ILRUN: variants seen among roughly 807,000 people sequenced by gnomAD.
ILRUN encodes the protein protein ILRUN.
A neutral mutation model predicts 33.8 loss-of-function variants in ILRUN; 3 were observed. That is an observed-to-expected ratio of 0.09 (90% CI 0.04 to 0.23). ILRUN has a LOEUF of 0.23. ILRUN is among the 10% of genes least tolerant of loss of function. The pLI, the probability that ILRUN is intolerant of heterozygous loss-of-function variation, is 1.00. For missense variants in ILRUN, 210 were observed against 375.1 expected (o/e 0.56, Z 3.64); for synonymous variants, 124 against 138.9 (o/e 0.89, Z 0.75).
chr6:34,594,847 C>T (rs1056957919), intron 4 of ILRUN, among the ~76,000 whole-genome samples: 2 of 152,168 alleles, frequency 1.3e-5, no homozygotes, highest in Non-Finnish European at 2.9e-5. Flanking sequence ...CTACTGCAAG[C>T]AAGCCATTAT....
At chr6:34,668,841 ATTTTTT>A (rs34742011) in intron 1 of ILRUN, among the ~76,000 whole-genome samples, 2 of 132,584 alleles carry the variant, frequency 1.5e-5, no homozygotes, top group Non-Finnish European at 3.2e-5. Flanking sequence ...TGCCTGGCTA[ATTTTTT>A]TTTTTTTTTT....
intron 4 of ILRUN, among the ~76,000 whole-genome samples, chr6:34,600,085 C>T (rs190974933): frequency 2.0e-5 from 3 of 152,348 alleles, no homozygotes; most frequent in Admixed American, 2.0e-4. Context: ...CCTGTTCCTA[C>T]CCTTGCCCTG....
chr6:34,629,727 G>T (rs879879047), intron 3 of ILRUN, among the ~76,000 whole-genome samples: 4 of 152,096 alleles, frequency 2.6e-5, no homozygotes, highest in Admixed American at 6.6e-5. Flanking sequence ...GAAATTTTCA[G>T]CCGTATTGTT....
chr6:34,622,354 A>G lies in ILRUN; in HGVS notation c.512-15450T>C, dbSNP rs543401359. Among the ~76,000 whole-genome samples the G allele has an allele frequency of 9.2e-5, 14 of 152,320 alleles. No homozygotes were observed. The South Asian group carries it at 1.4e-3, about 16-fold the overall frequency. On this transcript the variant is annotated intron_variant, in intron 3 of 4. Transcript: ENST00000374023. ...GGGTTAATATCTCAAATATATAAAG[A>G]ACTCCTACAACTCAACAGAAAACAC...
chr6:34,609,287 G>A (rs376421475), intron 3 of ILRUN, among the ~76,000 whole-genome samples: 145 of 152,264 alleles, frequency 9.5e-4, no homozygotes, highest in African/African-American at 3.3e-3. Flanking sequence ...TCAGGAGTTC[G>A]AGACTAGCCT....
At chr6:34,595,269 T>TA (rs879516560) in intron 4 of ILRUN, among the ~76,000 whole-genome samples, 98 of 152,360 alleles carry the variant, frequency 6.4e-4, no homozygotes, top group African/African-American at 2.2e-3. Flanking sequence ...TGCAATATCT[T>TA]AGAGTCCTTT....
chr6:34,638,917 C>G (rs966013249), intron 3 of ILRUN, among the ~76,000 whole-genome samples: 3 of 152,014 alleles, frequency 2.0e-5, no homozygotes, highest in African/African-American at 7.3e-5. Context: ...GGAGAAATGT[C>G]GGGCAGAATA....
intron 2 of ILRUN, among the ~76,000 whole-genome samples, chr6:34,651,471 C>A (rs1001485192): frequency 1.3e-5 from 2 of 151,964 alleles, no homozygotes; most frequent in African/African-American, 4.8e-5. Flanking sequence ...CAAAGCTCCC[C>A]ATTAACCCAA....
At chr6:34,652,655 T>A (rs1234413078) in intron 2 of ILRUN, among the ~76,000 whole-genome samples, 1 of 152,130 alleles carries the variant, frequency 6.6e-6, no homozygotes, top group Non-Finnish European at 1.5e-5. Context: ...TCCTCAGAGT[T>A]TTAAATCATC....
intron 3 of ILRUN, among the ~76,000 whole-genome samples, chr6:34,631,495 T>C (rs1002629201): frequency 1.3e-5 from 2 of 152,084 alleles, no homozygotes; most frequent in Non-Finnish European, 2.9e-5. Flanking sequence ...GCCCGGCTAA[T>C]TTTTGTATTT....
intron 3 of ILRUN, among the ~76,000 whole-genome samples, chr6:34,614,355 G>C (rs1761823222): frequency 6.6e-6 from 1 of 150,950 alleles, no homozygotes; most frequent in Non-Finnish European, 1.5e-5. Context: ...CCAGGAAGCA[G>C]AGCTTGTAGT....
At chr6:34,660,991 A>G (rs114494225) in intron 1 of ILRUN, among the ~76,000 whole-genome samples, 52 of 152,368 alleles carry the variant, frequency 3.4e-4, no homozygotes, top group African/African-American at 1.2e-3. Context: ...GACAAAGTTA[A>G]TATCAACATT....
chr6:34,657,974 T>A (rs953558129), intron 1 of ILRUN, among the ~76,000 whole-genome samples: 3 of 152,154 alleles, frequency 2.0e-5, no homozygotes, highest in African/African-American at 7.2e-5. Context: ...CAAAAAAGTT[T>A]TAAATCTAAT....
intron 1 of ILRUN, among the ~76,000 whole-genome samples, chr6:34,684,149 GA>G (rs756934722): frequency 6.6e-6 from 1 of 151,668 alleles, no homozygotes; most frequent in African/African-American, 2.4e-5. Context: ...AAAAAAAATA[GA>G]AAAATCTAAC....
At chr6:34,666,352 G>A (rs903131939) in intron 1 of ILRUN, among the ~76,000 whole-genome samples, 1 of 152,194 alleles carries the variant, frequency 6.6e-6, no homozygotes, top group Non-Finnish European at 1.5e-5. Context: ...CTGAGGTCGG[G>A]AGTTCGAGAC....
At chr6:34,654,550 T>C in intron 2 of ILRUN, 75 bp downstream of exon 2, 1 of 1,462,310 alleles carries the variant, frequency 6.8e-7, no homozygotes. Flanking sequence ...ATACATAAGC[T>C]AAAACATTTC....
chr6:34,669,126 T>C (rs1193681856), intron 1 of ILRUN, among the ~76,000 whole-genome samples: 1 of 151,792 alleles, frequency 6.6e-6, no homozygotes, highest in Non-Finnish European at 1.5e-5. Context: ...ATTACAAGCA[T>C]GAGTCTTTTG....
chr6:34,608,929 G>C (rs1761688146), intron 3 of ILRUN, among the ~76,000 whole-genome samples: 1 of 152,182 alleles, frequency 6.6e-6, no homozygotes, highest in Non-Finnish European at 1.5e-5. Context: ...CCTGTTGGAA[G>C]GTTTTCAAAA....
chr6:34,693,424 G>A (rs1211737552), intron 1 of ILRUN, among the ~76,000 whole-genome samples: 5 of 151,702 alleles, frequency 3.3e-5, no homozygotes, highest in Non-Finnish European at 7.4e-5. Flanking sequence ...GCATGATCAC[G>A]GCTCACTGCA....
Sources: gnomAD v4.1 joint callset for allele counts (sites outside exome capture counted in the v4.1 genomes callset) on GRCh38, gnomAD v4.1.1 for gene constraint, MANE v1.5 for transcripts, NCBI Gene and HGNC (gene_info 2026-07-23, HGNC 2026-07-21) for gene names.